The following CYRIA variants were observed in gnomAD, a reference collection of about 807,000 sequenced individuals.
CYRIA encodes the protein CYFIP related Rac1 interactor A, also known as CYFIP-related Rac1 interactor A.
CYRIA carries 15 observed loss-of-function variants against 43.9 expected under a neutral mutation model. The ratio of observed to expected loss-of-function variants is 0.34; its 90% confidence interval spans 0.23 to 0.53. The LOEUF (loss-of-function observed/expected upper bound fraction) is 0.53. CYRIA is among the 20% of genes least tolerant of loss of function. The pLI is 0.94. For missense variants in CYRIA, 236 were observed against 394.2 expected (o/e 0.60, Z 3.40); for synonymous variants, 117 against 136.0 (o/e 0.86, Z 0.97).
intron 4 of CYRIA, among the ~76,000 whole-genome samples, chr2:16,565,164 C>T (rs936462637): frequency 1.3e-5 from 2 of 149,202 alleles, no homozygotes; most frequent in African/African-American, 2.5e-5. Flanking sequence ...ATAAAAGGGG[C>T]GATTCATGCT....
intron 1 of CYRIA, among the ~76,000 whole-genome samples, chr2:16,629,120 G>A (rs1470365516): frequency 6.6e-6 from 1 of 150,440 alleles, no homozygotes; most frequent in East Asian, 2.1e-4. Flanking sequence ...CGGGAATACA[G>A]CTGCCACCAC....
chr2:16,658,983 G>T (rs2103557233), intron 1 of CYRIA, among the ~76,000 whole-genome samples: 1 of 152,322 alleles, frequency 6.6e-6, no homozygotes, highest in Non-Finnish European at 1.5e-5. Context: ...GCCATATACT[G>T]CACTCAGTGC....
intron 1 of CYRIA, among the ~76,000 whole-genome samples, chr2:16,632,241 G>C (rs1669347800): frequency 6.6e-6 from 1 of 152,194 alleles, no homozygotes; most frequent in African/African-American, 2.4e-5. Context: ...TCAGCGGAGT[G>C]TTTCTATAAG....
At chr2:16,557,181 TG>T (rs1318003538) in intron 10 of CYRIA, among the ~76,000 whole-genome samples, 2 of 152,330 alleles carry the variant, frequency 1.3e-5, no homozygotes, top group African/African-American at 4.8e-5. Context: ...AAATGGCTTG[TG>T]CCGCCTTGGT....
rs1255239165 is a variant in CYRIA at position 16,588,165 on chromosome 2, A to G, written c.-10-36T>C. On this transcript the variant is annotated intron_variant, in intron 2 of 11. Transcript: ENST00000381323. ...CAACACAAAACCAAATACCATTAGC[A>G]ACATAAAAAAAATAGACTTGCGTGA... The G allele has an allele frequency of 3.6e-6, 5 of 1,389,828 alleles. No individual in the cohort carries two copies. The East Asian group carries it at 9.3e-5, about 26-fold the overall frequency. The allele number at this position is 1,389,828 out of a possible 1,614,324, so 86.1% of individuals were successfully genotyped here.
intron 2 of CYRIA, among the ~76,000 whole-genome samples, chr2:16,620,761 C>A (rs531624791): frequency 8.5e-5 from 13 of 152,344 alleles, no homozygotes; most frequent in African/African-American, 2.9e-4. Context: ...CACCTCTCCA[C>A]ATTCCACAGT....
chr2:16,616,415 C>A (rs962519149), intron 2 of CYRIA, among the ~76,000 whole-genome samples: 3 of 152,190 alleles, frequency 2.0e-5, no homozygotes, highest in African/African-American at 2.4e-5. Flanking sequence ...AACTCTCCAG[C>A]CTTCCCTGGC....
chr2:16,585,545 TA>T (rs1221934498), intron 3 of CYRIA, among the ~76,000 whole-genome samples: 1 of 152,190 alleles, frequency 6.6e-6, no homozygotes, highest in African/African-American at 2.4e-5. Flanking sequence ...ATATCTTCCT[TA>T]AATACTATAG....
At chr2:16,625,776 AC>A (rs1214584393) in intron 1 of CYRIA, 1 of 151,754 alleles carries the variant, frequency 6.6e-6, no homozygotes, top group East Asian at 1.9e-4. Flanking sequence ...GGATCTGGAA[AC>A]AAGAGAAAAG....
chr2:16,645,548 C>A (rs1047686346), intron 1 of CYRIA, among the ~76,000 whole-genome samples: 8 of 152,128 alleles, frequency 5.3e-5, no homozygotes, highest in Non-Finnish European at 1.2e-4. Flanking sequence ...CTGTATTACA[C>A]GAGCCACATG....
rs556884520 is a variant in CYRIA at position 16,587,143 on chromosome 2, G to C, written c.70+907C>G. Among the ~76,000 whole-genome samples the C allele has an allele frequency of 2.0e-3, 312 of 152,256 alleles. 1 individual carries two copies. The highest frequency in any genetic ancestry group is 7.1e-3 in the African/African-American group (293 of 41,556). ...ATATGTCAAAATCCTGAAGTGGTTT[G>C]TATAATCAAATAATACATAAAGAAT... On this transcript the variant is annotated intron_variant, in intron 3 of 11. Coordinates refer to ENST00000381323, the MANE Select transcript of CYRIA (RefSeq NM_030797.4).
rs1668324350 is a variant in CYRIA at position 16,604,556 on chromosome 2, G to A, written c.-10-16427C>T. Among the ~76,000 whole-genome samples, 3 of 152,182 alleles carry A rather than the reference G, an allele frequency of 2.0e-5. No individual in the cohort carries two copies. In the South Asian group the frequency reaches 6.2e-4, roughly 32 times the overall value. On this transcript the variant is annotated intron_variant, in intron 2 of 11. Transcript: ENST00000381323. ...ACCATCTGACTGTTTTGAATTACAA[G>A]CAAAACAAACTACCCACTTCCATTT...
At chr2:16,572,197 T>C (rs1466710455) in intron 3 of CYRIA, among the ~76,000 whole-genome samples, 1 of 152,168 alleles carries the variant, frequency 6.6e-6, no homozygotes, top group East Asian at 1.9e-4. Context: ...AAGTAATCTC[T>C]CTGGGTCCAG....
chr2:16,600,365 C>G (rs145972841), intron 2 of CYRIA, among the ~76,000 whole-genome samples: 82 of 152,292 alleles, frequency 5.4e-4, no homozygotes, highest in African/African-American at 1.9e-3. Flanking sequence ...AAAAGGCAAT[C>G]TGATAACAGT....
chr2:16,553,709 G>A (rs1004797564), intron 11 of CYRIA, among the ~76,000 whole-genome samples: 1 of 152,086 alleles, frequency 6.6e-6, no homozygotes, highest in Non-Finnish European at 1.5e-5. Flanking sequence ...TGTGATTTCT[G>A]ATTCAAACCT....
intron 1 of CYRIA, among the ~76,000 whole-genome samples, chr2:16,654,498 T>TAA (rs968185069): frequency 6.6e-6 from 1 of 151,472 alleles, no homozygotes; most frequent in Non-Finnish European, 1.5e-5. Context: ...TTATTTTCTT[T>TAA]AAAAAAAAAT....
intron 1 of CYRIA, among the ~76,000 whole-genome samples, chr2:16,630,815 C>T (rs1287800434): frequency 1.3e-5 from 2 of 152,212 alleles, no homozygotes; most frequent in African/African-American, 4.8e-5. Flanking sequence ...TCCCCTCTTC[C>T]CATCCACGGC....
intron 1 of CYRIA, among the ~76,000 whole-genome samples, chr2:16,657,332 A>G (rs1670142688): frequency 6.6e-6 from 1 of 152,194 alleles, no homozygotes; most frequent in Non-Finnish European, 1.5e-5. Flanking sequence ...TCCCTCTGCC[A>G]TCCCCCTCCA....
chr2:16,560,690 A>T (rs1014644572), intron 9 of CYRIA: 1 of 416,346 alleles, frequency 2.4e-6, no homozygotes. Flanking sequence ...CATTTAACAC[A>T]CCCTCCATTT....
Sources: gnomAD v4.1 joint callset for allele counts (sites outside exome capture counted in the v4.1 genomes callset) on GRCh38, gnomAD v4.1.1 for gene constraint, MANE v1.5 for transcripts, NCBI Gene and HGNC (gene_info 2026-07-23, HGNC 2026-07-21) for gene names.